CPVL: variants seen among roughly 807,000 people sequenced by gnomAD.
CPVL encodes the protein probable serine carboxypeptidase CPVL.
Under a neutral mutation model 63.7 loss-of-function variants are expected in CPVL, and 51 were observed. The ratio of observed to expected loss-of-function variants is 0.80; its 90% CI spans 0.64 to 1.01. The LOEUF (loss-of-function observed/expected upper bound fraction) is 1.01, where lower values mean the gene tolerates loss of function less well. CPVL is among the 50% of genes least tolerant of loss of function. The pLI is 0.00. For synonymous variants in CPVL, 195 were observed against 206.0 expected (o/e 0.95, Z 0.46); for missense variants, 530 against 573.1 (o/e 0.92, Z 0.77).
upstream of CPVL, among the ~76,000 whole-genome samples, chr7:29,148,832 G>C (rs1291182195): frequency 6.6e-6 from 1 of 152,136 alleles, no homozygotes; most frequent in African/African-American, 2.4e-5. Flanking sequence ...TATAAGAGCT[G>C]TAATTGGGGC....
rs373738156 is a variant in CPVL at position 29,121,020 on chromosome 7, C to G, written c.42G>C (p.Leu14=). The G allele has an allele frequency of 6.2e-7, 1 of 1,610,576 alleles. No individual in the cohort carries two copies. Among genetic ancestry groups the G allele is most frequent in the Non-Finnish European group, 8.5e-7 (1 of 1,178,766 alleles). Residue 14 remains leucine, a synonymous_variant, in exon 2 of 13, where the codon CTG becomes CTC. Coordinates refer to ENST00000265394, the MANE Select transcript of CPVL (RefSeq NM_031311.5). ...GCCCATCACAGGGGCCAGGCATCAA[C>G]AGGACCAGCGAAACAATCACCTTCC... ...AMWKVIVSLV[L]LMPGPCDGLF... is the part of the protein sequence containing the mutation.
chr7:29,171,069 T>C (rs144746182), intron 5 of CPVL, among the ~76,000 whole-genome samples: 159 of 152,236 alleles, frequency 1.0e-3, no homozygotes, highest in Non-Finnish European at 1.8e-3. Flanking sequence ...TCAGCTGATT[T>C]ATTAAAAAAC....
At chr7:29,131,733 G>A (rs933197930) in intron 1 of CPVL, among the ~76,000 whole-genome samples, 1 of 152,098 alleles carries the variant, frequency 6.6e-6, no homozygotes, top group African/African-American at 2.4e-5. Flanking sequence ...GGCTGGTCTC[G>A]AGCTCCTGGG....
intron 5 of CPVL, among the ~76,000 whole-genome samples, chr7:29,161,183 C>T (rs1795127651): frequency 6.6e-6 from 1 of 152,086 alleles, no homozygotes; most frequent in Non-Finnish European, 1.5e-5. Context: ...ATGTTTTCAA[C>T]ATTAGCCTTG....
intron 7 of CPVL, among the ~76,000 whole-genome samples, chr7:29,076,124 C>A (rs934984983): frequency 2.0e-5 from 3 of 151,956 alleles, no homozygotes; most frequent in Non-Finnish European, 2.9e-5. Context: ...TTTTATAGAA[C>A]CCCATATTTC....
chr7:29,003,744 C>G (rs750103549), intron 12 of CPVL, among the ~76,000 whole-genome samples: 2 of 152,120 alleles, frequency 1.3e-5, no homozygotes, highest in Non-Finnish European at 2.9e-5. Context: ...TTTCCATGCA[C>G]AGTGTTGGGG....
intron 7 of CPVL, among the ~76,000 whole-genome samples, chr7:29,075,948 T>C (rs2128582150): frequency 1.1e-5 from 1 of 93,948 alleles, no homozygotes; most frequent in South Asian, 4.1e-4. Flanking sequence ...ACTCTCCTTG[T>C]TGAGATAGTT....
intron 11 of CPVL, among the ~76,000 whole-genome samples, chr7:29,055,571 T>C (rs1300056769): frequency 6.6e-6 from 1 of 152,154 alleles, no homozygotes; most frequent in East Asian, 1.9e-4. Context: ...GTTAAGTGTA[T>C]TTGCTTCTGC....
At chr7:29,096,845 C>T (rs34570154) in intron 3 of CPVL, among the ~76,000 whole-genome samples, 20,599 of 152,010 alleles carry the variant, frequency 0.14, 1,766 homozygotes, top group Admixed American at 0.23. Flanking sequence ...GTTAGCCAGG[C>T]GTGGTGGCAC....
chr7:29,069,827 T>TGTGTGTGTGCGCGC (rs1554335163), intron 9 of CPVL, among the ~76,000 whole-genome samples: 1 of 135,396 alleles, frequency 7.4e-6, no homozygotes, highest in African/African-American at 2.7e-5. Flanking sequence ...TGTGTGTGTG[T>TGTGTGTGTGCGCGC]GCATGTAAAT....
intron 11 of CPVL, among the ~76,000 whole-genome samples, chr7:29,053,020 A>G (rs1223487159): frequency 6.6e-6 from 1 of 152,196 alleles, no homozygotes; most frequent in Non-Finnish European, 1.5e-5. Flanking sequence ...CATTTCTCCA[A>G]AAAACATAAA....
intron 11 of CPVL, among the ~76,000 whole-genome samples, chr7:29,040,838 T>C (rs1346586324): frequency 6.6e-6 from 1 of 152,192 alleles, no homozygotes; most frequent in Non-Finnish European, 1.5e-5. Flanking sequence ...CTCTAAATTA[T>C]TTTGCTGCTT....
intron 12 of CPVL, among the ~76,000 whole-genome samples, chr7:29,016,148 C>T (rs569809714): frequency 5.3e-5 from 8 of 151,984 alleles, no homozygotes; most frequent in Middle Eastern, 3.2e-3. Flanking sequence ...GTCACGAGTT[C>T]GAGACCAGCT....
chr7:29,118,431 A>G (rs1789006734), intron 2 of CPVL, among the ~76,000 whole-genome samples: 1 of 152,244 alleles, frequency 6.6e-6, no homozygotes, highest in Non-Finnish European at 1.5e-5. Context: ...GCCTCTTCAC[A>G]AGCATCTTAA....
At chr7:28,997,309 C>T (rs1185256726) in intron 12 of CPVL, among the ~76,000 whole-genome samples, 3 of 152,206 alleles carry the variant, frequency 2.0e-5, no homozygotes, top group Non-Finnish European at 4.4e-5. Flanking sequence ...TGCAGAATCA[C>T]GATCAGCAAT....
chr7:29,169,220 T>C (rs1469387167), intron 5 of CPVL, among the ~76,000 whole-genome samples: 1 of 152,234 alleles, frequency 6.6e-6, no homozygotes, highest in Non-Finnish European at 1.5e-5. Flanking sequence ...AAATACATGG[T>C]TGTACTACGA....
intron 12 of CPVL, among the ~76,000 whole-genome samples, chr7:29,029,083 G>A (rs567844712): frequency 6.6e-6 from 1 of 151,954 alleles, no homozygotes; most frequent in East Asian, 1.9e-4. Context: ...TCAGGGAAAC[G>A]CAAATTAAAA....
intron 5 of CPVL, among the ~76,000 whole-genome samples, chr7:29,179,295 C>T (rs1022726277): frequency 3.3e-5 from 5 of 152,194 alleles, no homozygotes; most frequent in African/African-American, 1.2e-4. Flanking sequence ...CATCCCACGC[C>T]AAGTCATGAG....
intron 7 of CPVL, among the ~76,000 whole-genome samples, chr7:29,080,820 C>T (rs1022533564): frequency 2.2e-4 from 34 of 152,312 alleles, no homozygotes; most frequent in South Asian, 2.1e-3. Context: ...GATAAAGTGT[C>T]CCATTAAGCT....
Sources: allele counts gnomAD v4.1 joint callset (sites outside exome capture counted in the v4.1 genomes callset), GRCh38; gene constraint gnomAD v4.1.1; transcripts MANE v1.5; gene names NCBI Gene and HGNC (gene_info 2026-07-23, HGNC 2026-07-21).